CAPZA2: variants seen among roughly 807,000 people sequenced by gnomAD.
CAPZA2 encodes F-actin-capping protein subunit alpha-2.
Under a neutral mutation model 44.0 loss-of-function variants are expected in CAPZA2, and 13 were observed. The observed-to-expected ratio is 0.30, with a 90% CI of 0.19 to 0.47. The LOEUF (loss-of-function observed/expected upper bound fraction) is 0.47, where lower values mean the gene tolerates loss of function less well. CAPZA2 is among the 20% of genes least tolerant of loss of function. CAPZA2 has a pLI of 1.00. For synonymous variants in CAPZA2, 94 were observed against 108.2 expected (o/e 0.87, Z 0.81); for missense variants, 244 against 338.6 (o/e 0.72, Z 2.19).
intron 1 of CAPZA2, 57 bp from the exon 2 acceptor site, chr7:116,888,070 G>T (rs1177517653): frequency 5.6e-6 from 7 of 1,243,866 alleles, no homozygotes; most frequent in Admixed American, 3.7e-5. Flanking sequence ...CATGTTTTGT[G>T]CTTATTTTAG....
At position 116,915,025 on chromosome 7, in the gene CAPZA2, C is replaced by T. The variant is rs545067564; in HGVS notation, c.658-1035C>T. ...GGGTGCGGTGGCTCACGTCTGTAATCCTATCATTTCGGGAAGCTGAGGTAG... is the reference window on the plus strand; with the variant it reads ...GGGTGCGGTGGCTCACGTCTGTAATTCTATCATTTCGGGAAGCTGAGGTAG... On this transcript the variant is annotated intron_variant, in intron 8 of 9. Transcript: ENST00000361183. Among the ~76,000 whole-genome samples, 3 of 152,136 alleles carry T rather than the reference C, an allele frequency of 2.0e-5. No individual in the cohort carries two copies. In the South Asian group the frequency reaches 6.2e-4, roughly 32 times the overall value.
At chr7:116,871,664 C>A (rs1048818385) in intron 1 of CAPZA2, among the ~76,000 whole-genome samples, 1 of 152,210 alleles carries the variant, frequency 6.6e-6, no homozygotes, top group African/African-American at 2.4e-5. Context: ...TTGTAAACTA[C>A]TCATCTTTGG....
At chr7:116,880,720 TTTTTTTTTTTTTTTG>T in intron 1 of CAPZA2, among the ~76,000 whole-genome samples, 1 of 101,428 alleles carries the variant, frequency 9.9e-6, no homozygotes, top group Non-Finnish European at 1.9e-5. Flanking sequence ...TTTTTTTTTT[TTTTTTTTTTTTTTTG>T]AGACAGTCTT....
Position 116,918,462 on chromosome 7 carries a change from A to G in CAPZA2, c.*595A>G, listed in dbSNP as rs1339774598. On this transcript the variant is annotated 3_prime_UTR_variant, in exon 10 of 10. Transcript: ENST00000361183. ...AACTAAATTTTTTTTAAACAAGGCA[A>G]GGTCTAATGCTGTTTTGAGATTCTG... 2.6e-5 allele frequency: 4 copies of G among 152,694 alleles called. No homozygotes were observed. Among genetic ancestry groups the G allele is most frequent in the Non-Finnish European group, 5.9e-5 (4 of 68,070 alleles). The allele number at this position is 152,694 out of a possible 1,614,324, so 9.5% of individuals were successfully genotyped here. A position where few individuals can be genotyped will look rare whatever the true frequency, so the allele number is the denominator to read the frequency against.
Position 116,921,636 on chromosome 7 carries a change from T to A in CAPZA2, c.*3769T>A, listed in dbSNP as rs1394616258. On this transcript the variant is annotated 3_prime_UTR_variant, in exon 10 of 10. Coordinates refer to ENST00000361183, the MANE Select transcript of CAPZA2 (RefSeq NM_006136.3). ...AGTGACAGTTACAACGAGCGGAGAC[T>A]GTGCCACTTCACTGCAGCCTGGGTG... 3 of 152,242 alleles carry A rather than the reference T, an allele frequency of 2.0e-5. No homozygotes were observed. The highest frequency in any genetic ancestry group is 3.9e-4 in the East Asian group (2 of 5,194). The allele number at this position is 152,242 out of a possible 1,614,324, so 9.4% of individuals were successfully genotyped here. A position where few individuals can be genotyped will look rare whatever the true frequency, so the allele number is the denominator to read the frequency against.
At chr7:116,863,166 C>A (rs555345827) in intron 1 of CAPZA2, among the ~76,000 whole-genome samples, 3 of 152,220 alleles carry the variant, frequency 2.0e-5, no homozygotes, top group Non-Finnish European at 2.9e-5. Context: ...ACTTCCCCCT[C>A]CTCAAAGCAA....
intron 1 of CAPZA2, among the ~76,000 whole-genome samples, chr7:116,866,077 TTTAA>T (rs1796478535): frequency 6.6e-6 from 1 of 152,206 alleles, no homozygotes; most frequent in Admixed American, 6.5e-5. Flanking sequence ...TACTATGAAG[TTTAA>T]TAACCTTTTC....
At chr7:116,917,246 TTTTA>T (rs1030260811) in intron 9 of CAPZA2, among the ~76,000 whole-genome samples, 8 of 151,936 alleles carry the variant, frequency 5.3e-5, no homozygotes, top group Admixed American at 1.3e-4. Context: ...GCTGCTTTTA[TTTTA>T]TTTATTTATT....
chr7:116,897,819 A>G (rs1451939501), intron 3 of CAPZA2, among the ~76,000 whole-genome samples: 2 of 151,738 alleles, frequency 1.3e-5, no homozygotes, highest in Non-Finnish European at 2.9e-5. Flanking sequence ...CCTACCTCAC[A>G]CTCTGCGGTT....
intron 6 of CAPZA2, among the ~76,000 whole-genome samples, chr7:116,908,728 C>G (rs1791548738): frequency 6.6e-6 from 1 of 151,976 alleles, no homozygotes; most frequent in Non-Finnish European, 1.5e-5. Flanking sequence ...GCTGGCTTGG[C>G]ACTAATACCT....
chr7:116,904,980 A>AC (rs1791471709), intron 5 of CAPZA2, among the ~76,000 whole-genome samples: 1 of 149,790 alleles, frequency 6.7e-6, no homozygotes, highest in Non-Finnish European at 1.5e-5. Context: ...AAAAAAAAAA[A>AC]AAAAAAAAAC....
chr7:116,866,281 C>T (rs1188613677), intron 1 of CAPZA2, among the ~76,000 whole-genome samples: 1 of 151,882 alleles, frequency 6.6e-6, no homozygotes, highest in Non-Finnish European at 1.5e-5. Context: ...ACGCCATTCT[C>T]CTGCCTCAGC....
chr7:116,881,265 C>T (rs1222556012), intron 1 of CAPZA2, among the ~76,000 whole-genome samples: 1 of 152,024 alleles, frequency 6.6e-6, no homozygotes, highest in African/African-American at 2.4e-5. Flanking sequence ...AAATAGAGCC[C>T]TATCGCACAT....
At chr7:116,878,033 C>G in intron 1 of CAPZA2, among the ~76,000 whole-genome samples, 1 of 152,054 alleles carries the variant, frequency 6.6e-6, no homozygotes, top group East Asian at 1.9e-4. Context: ...GAGAGAAGTG[C>G]GGAATGATTT....
intron 8 of CAPZA2, 102 bp downstream of exon 8, chr7:116,912,242 G>C: frequency 1.3e-6 from 2 of 1,506,592 alleles, no homozygotes; most frequent in Non-Finnish European, 1.8e-6. Flanking sequence ...TCAGATTACC[G>C]TGTTTTCTGA....
chr7:116,903,519 A>C (rs947329968), intron 4 of CAPZA2, among the ~76,000 whole-genome samples: 2 of 152,212 alleles, frequency 1.3e-5, no homozygotes, highest in African/African-American at 4.8e-5. Flanking sequence ...CTAAGGAGTC[A>C]AAGACTGGAA....
At chr7:116,882,477 TA>T (rs1289704129) in intron 1 of CAPZA2, among the ~76,000 whole-genome samples, 3 of 152,090 alleles carry the variant, frequency 2.0e-5, no homozygotes, top group African/African-American at 4.8e-5. Flanking sequence ...TTATTATTAT[TA>T]TTTTTTTTTA....
In CAPZA2 at chr7:116,867,105, T is replaced by C. The variant is rs540739124; in HGVS notation, c.39+4455T>C. Among the ~76,000 whole-genome samples the C allele has an allele frequency of 3.3e-5, 5 of 152,366 alleles. No individual in the cohort carries two copies. The East Asian group carries it at 5.8e-4, about 18-fold the overall frequency. ...AAATATGTATTATACAAATAACTTA[T>C]TTCTTGCTTGAAAAGTTAATTCATT... On this transcript the variant is annotated intron_variant, in intron 1 of 9. Transcript: ENST00000361183.
chr7:116,892,580 A>G (rs1397888025), intron 2 of CAPZA2, among the ~76,000 whole-genome samples: 1 of 152,070 alleles, frequency 6.6e-6, no homozygotes. Context: ...TTTTGGACAC[A>G]TTGGAAGAAG....
Sources: allele counts gnomAD v4.1 joint callset (sites outside exome capture counted in the v4.1 genomes callset), GRCh38; gene constraint gnomAD v4.1.1; transcripts MANE v1.5; gene names NCBI Gene and HGNC (gene_info 2026-07-23, HGNC 2026-07-21).